PARVA: variants seen among roughly 807,000 people sequenced by gnomAD.
PARVA encodes the protein alpha-parvin.
A neutral mutation model predicts 52.6 loss-of-function variants in PARVA; 25 were observed. That is an observed-to-expected ratio of 0.48 (90% CI 0.35 to 0.66). The LOEUF is 0.66. Ranked by LOEUF, PARVA falls within the 30% of genes least tolerant of loss-of-function variation. The pLI, the probability that PARVA is intolerant of heterozygous loss-of-function variation, is 0.01. For missense variants in PARVA, 373 were observed against 450.9 expected, an observed-to-expected ratio of 0.83 and a Z score of 1.56; for synonymous variants, 185 against 179.1, an observed-to-expected ratio of 1.03 and a Z score of -0.26.
At chr11:12,453,013 G>A (rs72862241) in intron 1 of PARVA, 22,960 of 456,256 alleles carry the variant, frequency 0.05, 752 homozygotes, top group Non-Finnish European at 0.068. Flanking sequence ...CATGGGCTGC[G>A]GGGCACTTTG....
At chr11:12,508,111 AAAAAAAAAAAACC>A (rs1941456539) in intron 6 of PARVA, among the ~76,000 whole-genome samples, 1 of 128,300 alleles carries the variant, frequency 7.8e-6, no homozygotes, top group Admixed American at 7.2e-5. Flanking sequence ...AAAAAAAAAA[AAAAAAAAAAAACC>A]AAAAAAAAAA....
intron 1 of PARVA, among the ~76,000 whole-genome samples, chr11:12,400,045 C>T (rs995788140): frequency 6.6e-6 from 1 of 151,934 alleles, no homozygotes; most frequent in African/African-American, 2.4e-5. Flanking sequence ...TGAGACCAGC[C>T]TGGGCAACAT....
rs60966710 is a variant in PARVA at position 12,393,044 on chromosome 11, G to GAAAAAAAAAAAAAAAAAAAAAAAAAAAA, written c.136+15284_136+15285insAAAAAAAAAAAAAAAAAAAAAAAAAAAA. Among the ~76,000 whole-genome samples the GAAAAAAAAAAAAAAAAAAAAAAAAAAAA allele has an allele frequency of 6.5e-5, 3 of 46,132 alleles. 1 individual carries two copies. The highest frequency in any genetic ancestry group is 2.6e-4 in the Admixed American group (1 of 3,822). The allele number at this position is 46,132 out of a possible 152,430, so 30.3% of individuals were successfully genotyped here. On this transcript the variant is annotated intron_variant, in intron 1 of 12. Transcript: ENST00000334956. ...GGAAACAATTTTAACCCCAAATTGT[G>GAAAAAAAAAAAAAAAAAAAAAAAAAAAA]AAAAAAAAAAAAAAAAAAAAAAAGA...
intron 1 of PARVA, among the ~76,000 whole-genome samples, chr11:12,394,923 C>T (rs1164619463): frequency 3.3e-5 from 5 of 152,128 alleles, no homozygotes; most frequent in Non-Finnish European, 7.4e-5. Context: ...GAAACCCCAT[C>T]TCTACTAAAA....
chr11:12,433,728 G>A (rs1013101630), intron 1 of PARVA, among the ~76,000 whole-genome samples: 8 of 152,186 alleles, frequency 5.3e-5, no homozygotes, highest in Non-Finnish European at 8.8e-5. Context: ...TAAGAGCCCC[G>A]AAAAAGGCCC....
At position 12,473,908 on chromosome 11, in the gene PARVA, TA is replaced by T; in HGVS notation, c.227-2del. 1 of 1,572,884 alleles carries T rather than the reference TA, an allele frequency of 6.4e-7. No homozygotes were observed. ...ACCCCCACTGAATTCCTTTTCTTTT[TA>T]AAGAGGAGAATGAGGTGCGAACAAT... On this transcript the variant is annotated splice_region_variant and splice_polypyrimidine_tract_variant and intron_variant, in intron 2 of 12. Transcript: ENST00000334956.
At chr11:12,427,313 G>T (rs892774373) in intron 1 of PARVA, among the ~76,000 whole-genome samples, 1 of 152,202 alleles carries the variant, frequency 6.6e-6, no homozygotes, top group Non-Finnish European at 1.5e-5. Context: ...AATCTGATAT[G>T]CAGTCTCCTG....
intron 8 of PARVA, among the ~76,000 whole-genome samples, chr11:12,511,949 T>G (rs1396862514): frequency 6.6e-6 from 1 of 152,176 alleles, no homozygotes; most frequent in East Asian, 1.9e-4. Flanking sequence ...GGGTGATAGG[T>G]GTGCAGATGG....
At chr11:12,489,676 C>T (rs1941206984) in intron 4 of PARVA, among the ~76,000 whole-genome samples, 1 of 152,042 alleles carries the variant, frequency 6.6e-6, no homozygotes, top group Non-Finnish European at 1.5e-5. Context: ...CAAATCTACA[C>T]CTACACATTT....
intron 1 of PARVA, among the ~76,000 whole-genome samples, chr11:12,456,831 G>T (rs578235912): frequency 6.6e-6 from 1 of 152,186 alleles, no homozygotes; most frequent in Non-Finnish European, 1.5e-5. Context: ...TCTGGGGCTG[G>T]TTCTTACTCA....
At chr11:12,484,716 G>A (rs942743525) in intron 4 of PARVA, among the ~76,000 whole-genome samples, 6 of 152,018 alleles carry the variant, frequency 3.9e-5, no homozygotes, top group African/African-American at 1.4e-4. Flanking sequence ...GAAACTCACA[G>A]CCTGGTAGTA....
At chr11:12,451,507 T>G (rs1421605834) in intron 1 of PARVA, among the ~76,000 whole-genome samples, 1 of 152,172 alleles carries the variant, frequency 6.6e-6, no homozygotes, top group African/African-American at 2.4e-5. Flanking sequence ...TTTATCCTAT[T>G]TATATCAAAC....
chr11:12,438,681 G>A (rs1940421943), intron 1 of PARVA, among the ~76,000 whole-genome samples: 2 of 152,122 alleles, frequency 1.3e-5, no homozygotes, highest in Admixed American at 1.3e-4. Context: ...CTTCATGCTA[G>A]AGACTTGACT....
intron 10 of PARVA, among the ~76,000 whole-genome samples, chr11:12,516,478 C>T (rs536623589): frequency 2.2e-3 from 339 of 152,216 alleles, no homozygotes; most frequent in African/African-American, 7.6e-3. Flanking sequence ...TGTATGCTCA[C>T]TTCACCCAGC....
chr11:12,436,043 C>T (rs988421595), intron 1 of PARVA, among the ~76,000 whole-genome samples: 3 of 152,034 alleles, frequency 2.0e-5, no homozygotes, highest in Admixed American at 6.6e-5. Context: ...AGGATGGTCT[C>T]GATCTCCTGA....
intron 1 of PARVA, among the ~76,000 whole-genome samples, chr11:12,456,865 A>C (rs1940704547): frequency 6.6e-6 from 1 of 152,160 alleles, no homozygotes; most frequent in Non-Finnish European, 1.5e-5. Context: ...AGGACACAGC[A>C]CAGGGCCTGA....
intron 3 of PARVA, among the ~76,000 whole-genome samples, chr11:12,476,253 C>T (rs1222773009): frequency 6.6e-6 from 1 of 152,118 alleles, no homozygotes; most frequent in African/African-American, 2.4e-5. Flanking sequence ...TCCGTACTTC[C>T]AGAGGGAGGT....
intron 4 of PARVA, among the ~76,000 whole-genome samples, chr11:12,496,257 A>C (rs115732669): frequency 0.033 from 5,001 of 150,386 alleles, 181 homozygotes; most frequent in East Asian, 0.12. Flanking sequence ...TGAGGCTCTC[A>C]CAGTACTGAT....
At chr11:12,421,178 C>A (rs1326801313) in intron 1 of PARVA, among the ~76,000 whole-genome samples, 1 of 151,870 alleles carries the variant, frequency 6.6e-6, no homozygotes, top group East Asian at 1.9e-4. Flanking sequence ...AAGGATCTGA[C>A]CCAGCTACAA....
Sources: gnomAD v4.1 joint callset for allele counts (sites outside exome capture counted in the v4.1 genomes callset) on GRCh38, gnomAD v4.1.1 for gene constraint, MANE v1.5 for transcripts, NCBI Gene and HGNC (gene_info 2026-07-23, HGNC 2026-07-21) for gene names.